AGPS: variants seen among roughly 807,000 people sequenced by gnomAD.
The protein encoded by AGPS is alkylglycerone phosphate synthase.
AGPS carries 26 observed loss-of-function variants against 90.7 expected under a neutral mutation model. The ratio of observed to expected loss-of-function variants is 0.29; its 90% CI spans 0.21 to 0.40. The LOEUF is 0.40. Ranked by LOEUF, AGPS falls within the 10% of genes least tolerant of loss-of-function variation. The pLI is 1.00. For synonymous variants in AGPS, 294 were observed against 285.3 expected, an observed-to-expected ratio of 1.03 and a Z score of -0.31; for missense variants, 540 against 816.1, an observed-to-expected ratio of 0.66 and a Z score of 4.12.
chr2:177,481,275 C>G (rs1042114996), intron 10 of AGPS, among the ~76,000 whole-genome samples: 1 of 151,930 alleles, frequency 6.6e-6, no homozygotes, highest in African/African-American at 2.4e-5. Flanking sequence ...ATTTGAAAAG[C>G]TTGGCTTTGT....
intron 1 of AGPS, among the ~76,000 whole-genome samples, chr2:177,398,917 A>G (rs1251165222): frequency 1.3e-5 from 2 of 152,196 alleles, no homozygotes; most frequent in Non-Finnish European, 2.9e-5. Context: ...AGAATAGGTC[A>G]TGGAGGGTTT....
rs1028401981 is a variant in AGPS, at chr2:177,471,582, G to T, written c.1105+3058G>T. Among the ~76,000 whole-genome samples the T allele has an allele frequency of 3.9e-5, 6 of 151,984 alleles. No homozygotes were observed. In the South Asian group the frequency reaches 8.3e-4, roughly 21 times the overall value. The stretch of plus-strand genomic sequence containing the variant: ...TATTTGAAAAACAAAGTACATTTTT[G>T]TTTTTTAACCCATGACTCACCCTTC... On this transcript the variant is annotated intron_variant, in intron 10 of 19. Transcript: ENST00000264167.
chr2:177,465,153 G>T (rs1574390419), intron 9 of AGPS, among the ~76,000 whole-genome samples: 1 of 152,194 alleles, frequency 6.6e-6, no homozygotes, highest in African/African-American at 2.4e-5. Context: ...AATTAGCTGA[G>T]CATGGTAGCA....
chr2:177,482,199 AT>A lies in AGPS; in HGVS notation c.1233+14del. On this transcript the variant is annotated intron_variant, in intron 11 of 19. Transcript: ENST00000264167. ...AATTGCAAAACAGGTAAAAGAAAAAATATATATATATACATACATACATATA... is the reference window on the plus strand; with the variant it reads ...AATTGCAAAACAGGTAAAAGAAAAAAATATATATATACATACATACATATA... The A allele has an allele frequency of 7.7e-7, 1 of 1,305,650 alleles. No homozygotes were observed. The highest frequency in any genetic ancestry group is 2.9e-5 in the East Asian group (1 of 34,288). The allele number at this position is 1,305,650 out of a possible 1,614,324, so 80.9% of individuals were successfully genotyped here. A position where few individuals can be genotyped will look rare whatever the true frequency, so the allele number is the denominator to read the frequency against.
chr2:177,513,954 G>T, intron 17 of AGPS, 46 bp downstream of exon 17: 1 of 1,434,190 alleles, frequency 7.0e-7, no homozygotes, highest in South Asian at 1.2e-5. Flanking sequence ...TGAAAAAAAT[G>T]TTTTTTTTAA....
At chr2:177,409,624 C>T (rs748054107) in intron 1 of AGPS, among the ~76,000 whole-genome samples, 3 of 152,072 alleles carry the variant, frequency 2.0e-5, no homozygotes, top group Non-Finnish European at 2.9e-5. Flanking sequence ...GGTTGGCCGA[C>T]GACCGCTCTT....
intron 2 of AGPS, among the ~76,000 whole-genome samples, chr2:177,433,150 A>G (rs1345901890): frequency 1.3e-5 from 2 of 152,226 alleles, no homozygotes; most frequent in East Asian, 1.9e-4. Flanking sequence ...TAATATGTGT[A>G]TCTTTCATTT....
At chr2:177,418,782 C>A (rs1177750835) in intron 1 of AGPS, among the ~76,000 whole-genome samples, 1 of 150,796 alleles carries the variant, frequency 6.6e-6, no homozygotes, top group Non-Finnish European at 1.5e-5. Context: ...TGGTTCAATC[C>A]CAAGTTTTGG....
At chr2:177,475,138 A>G (rs1687743738) in intron 10 of AGPS, among the ~76,000 whole-genome samples, 1 of 152,238 alleles carries the variant, frequency 6.6e-6, no homozygotes, top group Non-Finnish European at 1.5e-5. Flanking sequence ...CAAATTTCCA[A>G]TTTATTTGTA....
intron 2 of AGPS, among the ~76,000 whole-genome samples, chr2:177,433,468 A>G (rs557470314): frequency 6.6e-6 from 1 of 152,304 alleles, no homozygotes; most frequent in East Asian, 1.9e-4. Flanking sequence ...CCATTGGCGT[A>G]GCAACAATAG....
At chr2:177,452,396 C>T (rs891237717) in intron 8 of AGPS, among the ~76,000 whole-genome samples, 5 of 152,120 alleles carry the variant, frequency 3.3e-5, no homozygotes, top group African/African-American at 7.2e-5. Context: ...TATGGCTTCT[C>T]GATTAACTGA....
chr2:177,511,089 T>A (rs1269120042), intron 16 of AGPS, among the ~76,000 whole-genome samples: 2 of 152,166 alleles, frequency 1.3e-5, no homozygotes, highest in Non-Finnish European at 2.9e-5. Flanking sequence ...GTTGGAGATA[T>A]ACATTTTTTG....
chr2:177,426,067 G>A (rs1288812231), intron 2 of AGPS, among the ~76,000 whole-genome samples: 1 of 151,990 alleles, frequency 6.6e-6, no homozygotes, highest in South Asian at 2.1e-4. Flanking sequence ...TCTGAGTTCC[G>A]TGAGCAGTGA....
intron 17 of AGPS, among the ~76,000 whole-genome samples, chr2:177,516,101 C>A (rs1237654367): frequency 6.6e-6 from 1 of 152,068 alleles, no homozygotes; most frequent in African/African-American, 2.4e-5. Flanking sequence ...TGTGCATAGA[C>A]CCCCATATCT....
chr2:177,422,931 C>G lies in AGPS; in HGVS notation c.350+2573C>G. 1.2e-4 allele frequency among the ~76,000 whole-genome samples: 2 copies of G among 16,718 alleles called. 1 individual carries two copies. Among genetic ancestry groups the G allele is most frequent in the East Asian group, 2.4e-3 (2 of 836 alleles). 11.0% of individuals were successfully genotyped at this position (16,718 alleles called of 152,430 possible). On this transcript the variant is annotated intron_variant, in intron 2 of 19. Transcript: ENST00000264167. ...TATCTACTGAGTTACCTTACAATAA[C>G]CCTATCAGATGGATAGAGTTACCTT...
rs549402280 is a variant in AGPS, at chr2:177,431,718, C to G, written c.351-2609C>G. ...TCTCTGCAAGAAGAAAAATATGGCTCTATTGTGCCTGACCCCGCAGGCAGT... is the reference window on the plus strand; with the variant it reads ...TCTCTGCAAGAAGAAAAATATGGCTGTATTGTGCCTGACCCCGCAGGCAGT... On this transcript the variant is annotated intron_variant, in intron 2 of 19. Coordinates refer to ENST00000264167, the MANE Select transcript of AGPS (RefSeq NM_003659.4). 2.7e-4 allele frequency among the ~76,000 whole-genome samples: 41 copies of G among 152,276 alleles called. 3 individuals carry two copies. In the South Asian group the frequency reaches 8.1e-3, roughly 30 times the overall value.
chr2:177,516,443 C>T (rs1254928075), intron 17 of AGPS, among the ~76,000 whole-genome samples: 1 of 151,986 alleles, frequency 6.6e-6, no homozygotes, highest in East Asian at 1.9e-4. Flanking sequence ...ATTACTTGTC[C>T]AGATGATTTT....
rs536575336 is a variant in AGPS at position 177,405,381 on chromosome 2, A to G, written c.260+12332A>G. 9.2e-5 allele frequency among the ~76,000 whole-genome samples: 14 copies of G among 152,362 alleles called. No homozygotes were observed. In the South Asian group the frequency reaches 2.7e-3, roughly 29 times the overall value. ...TTATCATGCATTTAAAGATGATACA[A>G]CCAGATTATCTGCTCATTGTTTTTG... On this transcript the variant is annotated intron_variant, in intron 1 of 19. Transcript: ENST00000264167.
chr2:177,532,367 A>T (rs950679459), intron 19 of AGPS, among the ~76,000 whole-genome samples: 1 of 152,188 alleles, frequency 6.6e-6, no homozygotes, highest in Non-Finnish European at 1.5e-5. Flanking sequence ...AAAATGTTCA[A>T]CATCGTTAGC....
Sources: allele counts gnomAD v4.1 joint callset (sites outside exome capture counted in the v4.1 genomes callset), GRCh38; gene constraint gnomAD v4.1.1; transcripts MANE v1.5; gene names NCBI Gene and HGNC (gene_info 2026-07-23, HGNC 2026-07-21).